The following ZNF771 variants were observed in gnomAD, a reference collection of about 807,000 sequenced individuals.
ZNF771 encodes the protein zinc finger protein 771.
In ZNF771, 10 loss-of-function variants were observed where a neutral mutation model predicts 27.6. The ratio of observed to expected loss-of-function variants is 0.36; its 90% confidence interval spans 0.22 to 0.61. The LOEUF (loss-of-function observed/expected upper bound fraction) is 0.61, where lower values mean the gene tolerates loss of function less well. Among genes scored for constraint, ZNF771 ranks in the 20% least tolerant of loss-of-function variants. The pLI is 0.70. For missense variants in ZNF771, 438 were observed against 503.7 expected, an observed-to-expected ratio of 0.87 and a Z score of 1.25; for synonymous variants, 261 against 225.2, an observed-to-expected ratio of 1.16 and a Z score of -1.43.
chr16:30,416,160 G>T (rs891504221), intron 2 of ZNF771, among the ~76,000 whole-genome samples: 1 of 152,062 alleles, frequency 6.6e-6, no homozygotes, highest in Non-Finnish European at 1.5e-5. Flanking sequence ...TGGCTTCCAG[G>T]ATGCCCCTCT....
At position 30,409,484 on chromosome 16, in the gene ZNF771, C is replaced by T. The variant is rs988181953; in HGVS notation, c.141+1290C>T. ...TGGAGACCCTAACTGCCACCAGATA[C>T]GTTTCCGCTTCTCAGAACCCCAGAG... On this transcript the variant is annotated intron_variant, in intron 2 of 2. Coordinates refer to ENST00000319296, the MANE Select transcript of ZNF771 (RefSeq NM_001142305.2). Among the ~76,000 whole-genome samples the T allele has an allele frequency of 2.6e-5, 4 of 152,176 alleles. No individual in the cohort carries two copies. The South Asian group carries it at 8.3e-4, about 31-fold the overall frequency.
chr16:30,407,782 A>G, intron 1 of ZNF771, 118 bp downstream of exon 1: 1 of 241,680 alleles, frequency 4.1e-6, no homozygotes, highest in Non-Finnish European at 8.2e-6. Flanking sequence ...GATGGTGGCG[A>G]CTTGCGGGGG....
chr16:30,411,022 C>T (rs1460834448), intron 2 of ZNF771, among the ~76,000 whole-genome samples: 1 of 149,722 alleles, frequency 6.7e-6, no homozygotes, highest in East Asian at 2.0e-4. Flanking sequence ...GACCCTGTCT[C>T]AAAAAACAAA....
chr16:30,414,221 T>TG (rs2050121724), intron 2 of ZNF771: 1 of 152,190 alleles, frequency 6.6e-6, no homozygotes, highest in South Asian at 2.1e-4. Context: ...GACTGGAAAA[T>TG]GTGACCTTGA....
Position 30,417,758 on chromosome 16 carries a change from CG to C in ZNF771, c.346del (p.Glu116SerfsTer155). 1 of 1,430,240 alleles carries C rather than the reference CG, an allele frequency of 7.0e-7. No homozygotes were observed. The highest frequency in any genetic ancestry group is 1.5e-5 in the African/African-American group (1 of 66,896). 88.6% of individuals were successfully genotyped at this position (1,430,240 alleles called of 1,614,324 possible). On this transcript the variant is annotated frameshift_variant, in exon 3 of 3. Transcript: ENST00000319296. LOFTEE classifies it high-confidence loss of function. ...LTKHGRTHTG[E>X]RPYECPECDK... Reference sequence around the variant, plus strand: ...CCAAACACGGCCGCACGCACACGGGCGAGCGGCCCTACGAGTGCCCCGAGTG... The same window carrying C: ...CCAAACACGGCCGCACGCACACGGGCAGCGGCCCTACGAGTGCCCCGAGTG...
In ZNF771 at chr16:30,417,853, A is replaced by C. The variant is rs1474511436; in HGVS notation, c.440A>C (p.Tyr147Ser). The change falls in exon 3 of 3, where the codon TAC (tyrosine) becomes TCC (serine). Residue 147 changes from tyrosine (Y) to serine (S), a missense_variant. Coordinates refer to ENST00000319296, the MANE Select transcript of ZNF771 (RefSeq NM_001142305.2). ...HRRRHTGEKP[Y>S]ACAHCGRRFA... is the part of the protein sequence containing the mutation. ...CGGCGGCACACGGGCGAGAAGCCGT[A>C]CGCATGCGCGCACTGCGGCCGCCGC... 5 of 1,506,678 alleles carry C rather than the reference A, an allele frequency of 3.3e-6. No individual in the cohort carries two copies. 93.3% of individuals were successfully genotyped at this position (1,506,678 alleles called of 1,614,324 possible). A position where few individuals can be genotyped will look rare whatever the true frequency, so the allele number is the denominator to read the frequency against.
chr16:30,418,511 C>T lies in ZNF771; in HGVS notation c.*144C>T. 2.5e-6 allele frequency: 2 copies of T among 798,274 alleles called. No homozygotes were observed. Among genetic ancestry groups the T allele is most frequent in the Admixed American group, 4.0e-5 (1 of 24,900 alleles). The allele number at this position is 798,274 out of a possible 1,614,324, so 49.4% of individuals were successfully genotyped here. On this transcript the variant is annotated 3_prime_UTR_variant, in exon 3 of 3. Coordinates refer to ENST00000319296, the MANE Select transcript of ZNF771 (RefSeq NM_001142305.2). ...TGGAACTGGGAGACAGGGAGAATCC[C>T]CTGCCGGGGTCCCTGGAAACAGTGC...
rs1349374086 is a variant in ZNF771, at chr16:30,419,246, A to G, written c.*879A>G. ...GGAAGACTGCCTCAAACAAACAAAA[A>G]ACAACAAACCAAACCAAACCAAACC... On this transcript the variant is annotated 3_prime_UTR_variant, in exon 3 of 3. Coordinates refer to ENST00000319296, the MANE Select transcript of ZNF771 (RefSeq NM_001142305.2). The G allele has an allele frequency of 7.6e-6, 1 of 131,722 alleles. No individual in the cohort carries two copies. Among genetic ancestry groups the G allele is most frequent in the Non-Finnish European group, 1.7e-5 (1 of 57,726 alleles). The allele number at this position is 131,722 out of a possible 1,614,324, so 8.2% of individuals were successfully genotyped here. A position where few individuals can be genotyped will look rare whatever the true frequency, so the allele number is the denominator to read the frequency against.
chr16:30,407,952 G>GC (rs1270441543), intron 1 of ZNF771, 93 bp from the exon 2 acceptor site: 1 of 934,126 alleles, frequency 1.1e-6, no homozygotes, highest in African/African-American at 1.7e-5. Context: ...AGAAGCCACG[G>GC]CTGCACTGCC....
At chr16:30,409,852 G>A (rs2050094772) in intron 2 of ZNF771, among the ~76,000 whole-genome samples, 1 of 152,134 alleles carries the variant, frequency 6.6e-6, no homozygotes, top group Admixed American at 6.6e-5. Flanking sequence ...TGGACTTCCA[G>A]CTCCATCATT....
intron 2 of ZNF771, among the ~76,000 whole-genome samples, chr16:30,416,243 C>G (rs1376127765): frequency 2.6e-5 from 4 of 152,112 alleles, no homozygotes. Context: ...CCTGGATGAT[C>G]TCATCCACTC....
chr16:30,414,363 G>A (rs1406062068), intron 2 of ZNF771: 1 of 152,140 alleles, frequency 6.6e-6, no homozygotes, highest in Non-Finnish European at 1.5e-5. Context: ...GGTCACGTGA[G>A]TTCAGAACAG....
intron 1 of ZNF771, 84 bp downstream of exon 1, chr16:30,407,748 C>A: frequency 4.9e-6 from 1 of 202,286 alleles, no homozygotes; most frequent in East Asian, 1.4e-4. Flanking sequence ...CCGACCCGGG[C>A]CCTGGGGAGT....
intron 2 of ZNF771, 143 bp from the exon 3 acceptor site, chr16:30,417,412 A>G (rs1040390819): frequency 2.3e-6 from 1 of 434,184 alleles, no homozygotes; most frequent in African/African-American, 2.1e-5. Flanking sequence ...GGATGCGCAC[A>G]GCCATCCTGG....
At chr16:30,410,476 G>C (rs564711887) in intron 2 of ZNF771, among the ~76,000 whole-genome samples, 2 of 152,220 alleles carry the variant, frequency 1.3e-5, no homozygotes, top group South Asian at 2.1e-4. Context: ...TGGGGGCACA[G>C]AGGATTGAAG....
In ZNF771 at chr16:30,407,999, T is replaced by C. The variant is rs868402823; in HGVS notation, c.-9-46T>C. On this transcript the variant is annotated intron_variant, in intron 1 of 2. Transcript: ENST00000319296. ...GGGCCACGGTGGGCGGGGGGGGGGG[T>C]GGGGGGGGGCGGGTCCTGAGCTTCT... The C allele has an allele frequency of 9.7e-5, 40 of 413,418 alleles. 1 individual carries two copies. The highest frequency in any genetic ancestry group is 3.0e-4 in the South Asian group (12 of 40,448). The allele number at this position is 413,418 out of a possible 1,614,324, so 25.6% of individuals were successfully genotyped here.
In ZNF771 at chr16:30,418,155, G is replaced by C; in HGVS notation, c.742G>C (p.Glu248Gln). 6.8e-7 allele frequency: 1 copy of C among 1,468,986 alleles called. No homozygotes were observed. The highest frequency in any genetic ancestry group is 9.0e-7 in the Non-Finnish European group (1 of 1,116,562). 91.0% of individuals were successfully genotyped at this position (1,468,986 alleles called of 1,614,324 possible). A position where few individuals can be genotyped will look rare whatever the true frequency, so the allele number is the denominator to read the frequency against. ...RRFGHRSNLA[E>Q]HARTHTGERP... ...CTTCGGCCACCGCTCCAACCTGGCGGAGCACGCGCGCACGCACACAGGCGA... is the reference window on the plus strand; with the variant it reads ...CTTCGGCCACCGCTCCAACCTGGCGCAGCACGCGCGCACGCACACAGGCGA... The change falls in exon 3 of 3, where the codon GAG becomes CAG. Residue 248 changes from glutamate to glutamine, a missense_variant. Glu to Gln is a conservative substitution (Grantham distance 29). Around this residue, in one of 3 missense-constraint regions of ZNF771, gnomAD observed 305 missense variants for 308.0 expected, o/e 0.99. Transcript: ENST00000319296.
At position 30,418,311 on chromosome 16, in the gene ZNF771, C is replaced by T. The variant is rs1349170053; in HGVS notation, c.898C>T (p.Pro300Ser). 4 of 1,489,428 alleles carry T rather than the reference C, an allele frequency of 2.7e-6. No individual in the cohort carries two copies. Among genetic ancestry groups the T allele is most frequent in the Non-Finnish European group, 3.6e-6 (4 of 1,124,188 alleles). 92.3% of individuals were successfully genotyped at this position (1,489,428 alleles called of 1,614,324 possible). A position where few individuals can be genotyped will look rare whatever the true frequency, so the allele number is the denominator to read the frequency against. The stretch of plus-strand genomic sequence containing the variant: ...CTGCGGCAGGGACTTCAAGCTGCCC[C>T]CTGGCGCCACGGCCGCCACTGCCAC... The part of the protein sequence containing the change: ...AGCGRDFKLP[P>S]GATAATATER... Residue 300 changes from proline (P) to serine (S), a missense_variant, in exon 3 of 3, where the codon CCT becomes TCT. Transcript: ENST00000319296.
intron 2 of ZNF771, among the ~76,000 whole-genome samples, chr16:30,414,946 CTTTTTTT>C (rs71149016): frequency 3.7e-4 from 22 of 59,464 alleles, no homozygotes; most frequent in African/African-American, 6.5e-4. Context: ...CGCCCGGCCT[CTTTTTTT>C]TTTTTTTTTT....
Sources: gnomAD v4.1 joint callset for allele counts (sites outside exome capture counted in the v4.1 genomes callset) on GRCh38, gnomAD v4.1.1 for gene constraint, gnomAD v4.1.1 regional missense constraint, MANE v1.5 for transcripts, NCBI Gene and HGNC (gene_info 2026-07-23, HGNC 2026-07-21) for gene names.